The following RAP1A variants were observed in gnomAD, a reference collection of about 807,000 sequenced individuals.
RAP1A encodes RAP1A, member of RAS oncogene family.
Under a neutral mutation model 26.4 loss-of-function variants are expected in RAP1A, and 6 were observed. The observed-to-expected ratio is 0.23, with a 90% CI of 0.12 to 0.45. The LOEUF (loss-of-function observed/expected upper bound fraction) is 0.45, where lower values mean the gene tolerates loss of function less well. Among genes scored for constraint, RAP1A ranks in the 20% least tolerant of loss-of-function variants. The pLI is 0.99. For synonymous variants in RAP1A, 73 were observed against 79.4 expected (o/e 0.92, Z 0.43); for missense variants, 121 against 217.2 (o/e 0.56, Z 2.78).
chr1:111,606,415 C>G (rs1463861717), intron 1 of RAP1A, among the ~76,000 whole-genome samples: 1 of 152,198 alleles, frequency 6.6e-6, no homozygotes, highest in African/African-American at 2.4e-5. Context: ...TGCTTATTCT[C>G]CTGGCAAATA....
upstream of RAP1A, among the ~76,000 whole-genome samples, chr1:111,615,687 T>C (rs1658999691): frequency 1.3e-5 from 2 of 151,918 alleles, no homozygotes; most frequent in African/African-American, 2.4e-5. Context: ...AAAAATTAGC[T>C]GGCCGTGGTG....
intron 4 of RAP1A, among the ~76,000 whole-genome samples, chr1:111,698,179 A>G (rs898696661): frequency 2.0e-5 from 3 of 152,186 alleles, no homozygotes; most frequent in East Asian, 1.9e-4. Flanking sequence ...CATAAAATAC[A>G]TACATTAAGC....
intron 4 of RAP1A, among the ~76,000 whole-genome samples, chr1:111,698,140 A>G (rs115326998): frequency 5.2e-4 from 79 of 152,288 alleles, no homozygotes; most frequent in African/African-American, 1.9e-3. Context: ...ATTTTTATTA[A>G]TAACTGATGG....
chr1:111,685,397 A>G (rs1294933861), intron 1 of RAP1A, among the ~76,000 whole-genome samples: 1 of 148,768 alleles, frequency 6.7e-6, no homozygotes, highest in Admixed American at 6.8e-5. Context: ...GCTAATATCC[A>G]GAATCTACAA....
At chr1:111,619,562 G>C (rs889807891), upstream of RAP1A, among the ~76,000 whole-genome samples, 22 of 152,020 alleles carry the variant, frequency 1.4e-4, no homozygotes, top group Non-Finnish European at 3.1e-4. Context: ...TCTTTTTTCC[G>C]GTCTTACCCA....
upstream of RAP1A, among the ~76,000 whole-genome samples, chr1:111,617,744 T>C (rs1015337619): frequency 1.4e-4 from 20 of 144,812 alleles, no homozygotes; most frequent in Non-Finnish European, 2.4e-4. Context: ...CAATTTTACC[T>C]CTCTAAAGAA....
chr1:111,640,879 G>A (rs1203352347), intron 1 of RAP1A, among the ~76,000 whole-genome samples: 2 of 152,094 alleles, frequency 1.3e-5, no homozygotes, highest in South Asian at 2.1e-4. Context: ...TGGGAGGATC[G>A]CTTGAGCATG....
chr1:111,618,370 T>C (rs1407517156), upstream of RAP1A, among the ~76,000 whole-genome samples: 1 of 152,178 alleles, frequency 6.6e-6, no homozygotes, highest in Non-Finnish European at 1.5e-5. Flanking sequence ...CTCTCCTTCC[T>C]GAAACAATTA....
chr1:111,711,307 C>T (rs929454431), intron 7 of RAP1A, among the ~76,000 whole-genome samples: 1 of 152,174 alleles, frequency 6.6e-6, no homozygotes, highest in African/African-American at 2.4e-5. Context: ...ATTGACAGCT[C>T]ATTACCATGG....
At chr1:111,657,149 G>A (rs963045490) in intron 1 of RAP1A, among the ~76,000 whole-genome samples, 9 of 152,248 alleles carry the variant, frequency 5.9e-5, no homozygotes, top group South Asian at 4.1e-4. Flanking sequence ...AAGGTTGAGC[G>A]TCCAAAATCC....
At chr1:111,697,535 T>G (rs755329162) in intron 4 of RAP1A, 38 bp downstream of exon 4, 5 of 1,608,456 alleles carry the variant, frequency 3.1e-6, no homozygotes, top group Admixed American at 1.7e-5. Context: ...GATTTTAATT[T>G]GTGAGCAGGT....
At chr1:111,560,343 T>C (rs1286410848) in intron 1 of RAP1A, among the ~76,000 whole-genome samples, 2 of 151,946 alleles carry the variant, frequency 1.3e-5, no homozygotes, top group East Asian at 3.9e-4. Flanking sequence ...GTCTCATTTA[T>C]TGTTTCTGTA....
chr1:111,702,056 T>A (rs1662036888), intron 4 of RAP1A, among the ~76,000 whole-genome samples: 1 of 152,172 alleles, frequency 6.6e-6, no homozygotes, highest in Non-Finnish European at 1.5e-5. Flanking sequence ...GCTAACTCCC[T>A]GGAATACAAG....
At chr1:111,683,516 C>G (rs1278808546) in intron 1 of RAP1A, among the ~76,000 whole-genome samples, 1 of 151,904 alleles carries the variant, frequency 6.6e-6, no homozygotes, top group African/African-American at 2.4e-5. Flanking sequence ...CAAACTACCA[C>G]CAGAGAATAT....
At chr1:111,603,699 T>C (rs146048422) in intron 1 of RAP1A, among the ~76,000 whole-genome samples, 28 of 152,340 alleles carry the variant, frequency 1.8e-4, no homozygotes, top group South Asian at 8.3e-4. Context: ...GTTAAAATGT[T>C]CACAATTGCA....
chr1:111,609,144 C>T (rs1658873985), intron 1 of RAP1A, among the ~76,000 whole-genome samples: 2 of 152,166 alleles, frequency 1.3e-5, no homozygotes, highest in South Asian at 4.1e-4. Flanking sequence ...AGAAAGAACC[C>T]TCCAACTCCC....
At chr1:111,645,355 T>G (rs1223797693) in intron 1 of RAP1A, among the ~76,000 whole-genome samples, 1 of 152,132 alleles carries the variant, frequency 6.6e-6, no homozygotes, top group Non-Finnish European at 1.5e-5. Flanking sequence ...CTTAAGTTTA[T>G]CAAGAAGGAA....
At chr1:111,648,645 A>C in intron 1 of RAP1A, 1 of 518,826 alleles carries the variant, frequency 1.9e-6, no homozygotes, top group South Asian at 1.7e-5. Context: ...CACATTTCTC[A>C]CTGAGTCCAG....
At chr1:111,639,818 G>C (rs1241454534) in intron 1 of RAP1A, among the ~76,000 whole-genome samples, 1 of 152,182 alleles carries the variant, frequency 6.6e-6, no homozygotes, top group African/African-American at 2.4e-5. Flanking sequence ...TTATTACAGA[G>C]GTTTACCTTG....
Sources: allele counts gnomAD v4.1 joint callset (sites outside exome capture counted in the v4.1 genomes callset), GRCh38; gene constraint gnomAD v4.1.1; transcripts MANE v1.5; gene names NCBI Gene and HGNC (gene_info 2026-07-23, HGNC 2026-07-21).